Variants in NCOA2 observed in about 807,000 individuals in gnomAD.
NCOA2 encodes the protein nuclear receptor coactivator 2, also known as class E basic helix-loop-helix protein 75.
Under a neutral mutation model 145.1 loss-of-function variants are expected in NCOA2, and 21 were observed. The ratio of observed to expected loss-of-function variants is 0.14; its 90% CI spans 0.10 to 0.21. The LOEUF is 0.21. NCOA2 is among the 10% of genes least tolerant of loss of function. The probability of loss-of-function intolerance (pLI) is 1.00; values close to 1 mark genes in which losing one functional copy is unlikely to be tolerated. For synonymous variants in NCOA2, 619 were observed against 637.5 expected (o/e 0.97, Z 0.44); for missense variants, 1,472 against 1,837.6 (o/e 0.80, Z 3.64).
chr8:70,159,719 A>G (rs925358035), intron 9 of NCOA2, 67 bp from the exon 10 acceptor site: 3 of 1,416,442 alleles, frequency 2.1e-6, no homozygotes, highest in African/African-American at 2.8e-5. Flanking sequence ...GGAGGACAAG[A>G]CATAATAAGA....
At chr8:70,347,213 G>A (rs562257892) in intron 1 of NCOA2, among the ~76,000 whole-genome samples, 3 of 152,146 alleles carry the variant, frequency 2.0e-5, no homozygotes, top group South Asian at 2.1e-4. Flanking sequence ...GGCTGGGCAC[G>A]GTGGCTCACA....
At chr8:70,408,274 C>T (rs896971858), upstream of NCOA2, among the ~76,000 whole-genome samples, 1 of 152,062 alleles carries the variant, frequency 6.6e-6, no homozygotes, top group African/African-American at 2.4e-5. Flanking sequence ...AGTGTACGTA[C>T]AAAATTCAAA....
At chr8:70,147,190 C>T (rs1455987324) in intron 12 of NCOA2, among the ~76,000 whole-genome samples, 4 of 149,636 alleles carry the variant, frequency 2.7e-5, no homozygotes, top group African/African-American at 2.5e-5. Flanking sequence ...TGGAGTACAG[C>T]GGCGCAATCT....
intron 20 of NCOA2, among the ~76,000 whole-genome samples, 171 bp from the exon 21 acceptor site, chr8:70,124,253 G>C (rs192564702): frequency 3.3e-5 from 5 of 152,274 alleles, no homozygotes; most frequent in African/African-American, 1.2e-4. Context: ...CGAGACAGCA[G>C]GGGAAGTGGC....
chr8:70,371,231 G>C (rs937299211), intron 1 of NCOA2, among the ~76,000 whole-genome samples: 5 of 152,220 alleles, frequency 3.3e-5, no homozygotes, highest in African/African-American at 1.2e-4. Context: ...GGAGCTTGCA[G>C]TGAGCTGAGA....
At chr8:70,357,772 C>G (rs950508580) in intron 1 of NCOA2, among the ~76,000 whole-genome samples, 2 of 151,448 alleles carry the variant, frequency 1.3e-5, no homozygotes, top group African/African-American at 2.4e-5. Flanking sequence ...GGGAAGATGC[C>G]GAGCACAGTG....
chr8:70,442,138 A>AGAAAGAAG, the NCOA2 span, among the ~76,000 whole-genome samples: 92 of 124,350 alleles, frequency 7.4e-4, no homozygotes, highest in African/African-American at 3.6e-3. Flanking sequence ...AAAGAAAGAA[A>AGAAAGAAG]GAAAGAAAGA....
At chr8:70,248,259 AAGAGT>A (rs1362177087) in intron 2 of NCOA2, among the ~76,000 whole-genome samples, 1 of 152,176 alleles carries the variant, frequency 6.6e-6, no homozygotes, top group Non-Finnish European at 1.5e-5. Context: ...ATCTAAAGAG[AAGAGT>A]AAAGTTCAAT....
At chr8:70,407,809 A>G (rs1013716638), upstream of NCOA2, among the ~76,000 whole-genome samples, 12 of 152,084 alleles carry the variant, frequency 7.9e-5, no homozygotes, top group African/African-American at 1.7e-4. Context: ...AACATAATGC[A>G]TACTCAATAA....
chr8:70,174,825 C>T lies in NCOA2; in HGVS notation c.294G>A (p.Gln98=). The change falls in exon 5 of 23, where the codon CAG becomes CAA. Residue 98 remains glutamine, a synonymous_variant. Coordinates refer to ENST00000452400, the MANE Select transcript of NCOA2 (RefSeq NM_006540.4). ...KAAAANIDEV[Q]KSDVSSTGQG... ...GCCCTGTAGAGGATACATCTGACTT[C>T]TGCACTTCATCTATGTTGGCAGCTG... 7 of 1,613,696 alleles carry T rather than the reference C, an allele frequency of 4.3e-6. No homozygotes were observed. Among genetic ancestry groups the T allele is most frequent in the Non-Finnish European group, 5.9e-6 (7 of 1,179,702 alleles).
intron 7 of NCOA2, 58 bp from the exon 8 acceptor site, chr8:70,163,624 C>T (rs1279474034): frequency 1.5e-6 from 2 of 1,333,164 alleles, no homozygotes; most frequent in Non-Finnish European, 2.1e-6. Context: ...TTCAAACAAA[C>T]CCAAGTGTAT....
Position 70,203,268 on chromosome 8 carries a change from A to AAAAAAAAG in NCOA2, c.259+10634_259+10635insCTTTTTTT, listed in dbSNP as rs1312569867. ...TAGAACAAGACTCTGTCTCAAAAAA[A>AAAAAAAAG]AAAAGAAAAAAGAAAGAGGAAATAG... On this transcript the variant is annotated intron_variant, in intron 4 of 22. Transcript: ENST00000452400. 1.7e-4 allele frequency among the ~76,000 whole-genome samples: 25 copies of AAAAAAAAG among 150,354 alleles called. 1 individual carries two copies. Among genetic ancestry groups the AAAAAAAAG allele is most frequent in the African/African-American group, 5.7e-4 (23 of 40,160 alleles).
At chr8:70,126,699 C>T in intron 19 of NCOA2, 114 bp downstream of exon 19, 5 of 927,164 alleles carry the variant, frequency 5.4e-6, no homozygotes, top group Non-Finnish European at 8.4e-6. Context: ...CCCTGGTTAG[C>T]CAGATTCATC....
At chr8:70,220,486 A>G (rs1820042740) in intron 2 of NCOA2, among the ~76,000 whole-genome samples, 1 of 152,198 alleles carries the variant, frequency 6.6e-6, no homozygotes. Context: ...GTGACCATAC[A>G]TCCTCCCTTA....
chr8:70,134,137 A>AG (rs2131632050), intron 15 of NCOA2, among the ~76,000 whole-genome samples: 1 of 152,278 alleles, frequency 6.6e-6, no homozygotes, highest in East Asian at 1.9e-4. Context: ...TCTTCTCCAC[A>AG]GCCCACACTC....
chr8:70,282,666 C>T (rs985126860), intron 2 of NCOA2, among the ~76,000 whole-genome samples: 2 of 122,680 alleles, frequency 1.6e-5, no homozygotes, highest in African/African-American at 6.2e-5. Context: ...CCAGCCTGGG[C>T]AAAAAGAGCA....
At chr8:70,121,590 T>G (rs535233946) in intron 21 of NCOA2, among the ~76,000 whole-genome samples, 199 bp from the exon 22 acceptor site, 1 of 152,356 alleles carries the variant, frequency 6.6e-6, no homozygotes, top group East Asian at 1.9e-4. Context: ...AAAATACTCA[T>G]GAAATACTAG....
intron 4 of NCOA2, among the ~76,000 whole-genome samples, chr8:70,178,208 G>A (rs1233714893): frequency 6.6e-6 from 1 of 152,220 alleles, no homozygotes; most frequent in Non-Finnish European, 1.5e-5. Context: ...CAGAGGTTAT[G>A]TAGAATCAGG....
chr8:70,351,594 C>CTT lies in NCOA2; in HGVS notation c.-77+52104_-77+52105dup, dbSNP rs66475474. On this transcript the variant is annotated intron_variant, in intron 1 of 22. Transcript: ENST00000452400. ...TTTGGGTTCACCTTTTCTTTTTTTC[C>CTT]TTTTTTTTTTTTTTTTAAAGTCTTG... is the stretch of plus-strand genomic sequence containing the variant. Among the ~76,000 whole-genome samples the CTT allele has an allele frequency of 1.3e-4, 17 of 134,442 alleles. 1 individual carries two copies. The highest frequency in any genetic ancestry group is 3.6e-4 in the African/African-American group (13 of 36,522). The allele number at this position is 134,442 out of a possible 152,430, so 88.2% of individuals were successfully genotyped here.
Sources: allele counts gnomAD v4.1 joint callset (sites outside exome capture counted in the v4.1 genomes callset), GRCh38; gene constraint gnomAD v4.1.1; transcripts MANE v1.5; gene names NCBI Gene and HGNC (gene_info 2026-07-23, HGNC 2026-07-21).